The following SUPT3H variants were observed in gnomAD, a reference collection of about 807,000 sequenced individuals.
SUPT3H encodes the protein transcription initiation protein SPT3 homolog.
A neutral mutation model predicts 44.3 loss-of-function variants in SUPT3H; 44 were observed. The ratio of observed to expected loss-of-function variants is 0.99; its 90% confidence interval spans 0.78 to 1.28. The LOEUF (loss-of-function observed/expected upper bound fraction) is 1.28. Ranked by LOEUF, SUPT3H falls within the 50% of genes most tolerant of loss-of-function variation. The pLI, the probability that SUPT3H is intolerant of heterozygous loss-of-function variation, is 0.00. For synonymous variants in SUPT3H, 124 were observed against 125.6 expected (o/e 0.99, Z 0.09); for missense variants, 380 against 387.1 (o/e 0.98, Z 0.15).
intron 2 of SUPT3H, among the ~76,000 whole-genome samples, chr6:45,207,283 A>G (rs1763348953): frequency 2.0e-5 from 3 of 152,212 alleles, no homozygotes. Context: ...GTCAAGGAAG[A>G]TAAGGACTGA....
intron 2 of SUPT3H, among the ~76,000 whole-genome samples, chr6:45,312,694 G>C (rs1410992003): frequency 4.8e-5 from 6 of 125,840 alleles, no homozygotes; most frequent in African/African-American, 5.9e-5. Flanking sequence ...GGGGGGGGGG[G>C]GGACTTCAAT....
chr6:45,144,450 A>T (rs1360557324), intron 2 of SUPT3H, among the ~76,000 whole-genome samples: 1 of 152,162 alleles, frequency 6.6e-6, no homozygotes. Flanking sequence ...TGACAAGTCC[A>T]GCATCCCTTT....
intron 2 of SUPT3H, among the ~76,000 whole-genome samples, chr6:45,231,594 G>A (rs1430635944): frequency 6.6e-6 from 1 of 152,128 alleles, no homozygotes; most frequent in Non-Finnish European, 1.5e-5. Context: ...CATTGCATGT[G>A]ATTGGGGGTC....
chr6:44,823,147 A>G (rs1243777666), downstream of SUPT3H, among the ~76,000 whole-genome samples: 1 of 152,044 alleles, frequency 6.6e-6, no homozygotes, highest in Non-Finnish European at 1.5e-5. Context: ...CCAAACCACA[A>G]ATGTTTATGA....
intron 10 of SUPT3H, among the ~76,000 whole-genome samples, chr6:44,870,887 G>A (rs552036561): frequency 4.1e-4 from 63 of 151,890 alleles, no homozygotes; most frequent in East Asian, 2.4e-3. Flanking sequence ...AAGGGGTGAC[G>A]GATGCACCTG....
intron 10 of SUPT3H, among the ~76,000 whole-genome samples, chr6:44,882,794 A>T (rs1778464110): frequency 6.6e-6 from 1 of 152,228 alleles, no homozygotes; most frequent in Admixed American, 6.5e-5. Context: ...CCAAATGATC[A>T]TCTCAATAGA....
At chr6:45,202,203 T>C (rs1001562127) in intron 2 of SUPT3H, among the ~76,000 whole-genome samples, 3 of 151,906 alleles carry the variant, frequency 2.0e-5, no homozygotes, top group Non-Finnish European at 4.4e-5. Context: ...TACCCAATAA[T>C]TGGAAATTAA....
chr6:44,944,535 G>A (rs1398754054), intron 9 of SUPT3H, among the ~76,000 whole-genome samples: 1 of 151,704 alleles, frequency 6.6e-6, no homozygotes, highest in Non-Finnish European at 1.5e-5. Context: ...GAGGTGGGTG[G>A]ACCGCTTGAG....
chr6:45,030,050 C>A lies in SUPT3H; in HGVS notation c.187-9418G>T, dbSNP rs1786672914. Among the ~76,000 whole-genome samples the A allele has an allele frequency of 2.6e-5, 4 of 151,482 alleles. No homozygotes were observed. The South Asian group carries it at 8.3e-4, about 31-fold the overall frequency. On this transcript the variant is annotated intron_variant, in intron 3 of 10. Transcript: ENST00000371459. ...AGAGTGCTGGGATTACAGGTGTGAG[C>A]TATCACACACAGCCTCTTTAAAATT...
At chr6:45,153,931 G>C (rs894386691) in intron 2 of SUPT3H, among the ~76,000 whole-genome samples, 1 of 151,876 alleles carries the variant, frequency 6.6e-6, no homozygotes, top group Non-Finnish European at 1.5e-5. Context: ...TTAGCCAGGC[G>C]TGCTAGTGCA....
At chr6:44,985,393 C>T (rs1779662133) in intron 6 of SUPT3H, among the ~76,000 whole-genome samples, 1 of 151,616 alleles carries the variant, frequency 6.6e-6, no homozygotes, top group South Asian at 2.1e-4. Context: ...GACTCTTTAT[C>T]CAAAAAGTTA....
intron 2 of SUPT3H, among the ~76,000 whole-genome samples, chr6:45,357,568 C>G (rs1747348201): frequency 6.6e-6 from 1 of 152,098 alleles, no homozygotes; most frequent in Non-Finnish European, 1.5e-5. Flanking sequence ...CTCAAGAGCT[C>G]CCCTGACGTC....
At chr6:44,975,767 TA>T (rs1469868177) in intron 6 of SUPT3H, among the ~76,000 whole-genome samples, 1 of 152,110 alleles carries the variant, frequency 6.6e-6, no homozygotes, top group Non-Finnish European at 1.5e-5. Flanking sequence ...AGAGTCCTAT[TA>T]ATAATATAAA....
intron 3 of SUPT3H, among the ~76,000 whole-genome samples, chr6:45,033,037 A>G (rs565396056): frequency 6.6e-6 from 1 of 152,310 alleles, no homozygotes; most frequent in African/African-American, 2.4e-5. Context: ...AATGTGATCA[A>G]TAACTAAATA....
At chr6:44,908,043 A>C (rs1177504446) in intron 10 of SUPT3H, among the ~76,000 whole-genome samples, 1 of 152,178 alleles carries the variant, frequency 6.6e-6, no homozygotes, top group Non-Finnish European at 1.5e-5. Flanking sequence ...AATCCATTTC[A>C]TTGACCTTCT....
chr6:45,034,038 T>C (rs1458844091), intron 3 of SUPT3H, among the ~76,000 whole-genome samples: 1 of 152,114 alleles, frequency 6.6e-6, no homozygotes, highest in African/African-American at 2.4e-5. Context: ...GGAAACAGCA[T>C]AGTTAAACTG....
chr6:45,006,429 G>T, intron 5 of SUPT3H, among the ~76,000 whole-genome samples: 1 of 150,908 alleles, frequency 6.6e-6, no homozygotes, highest in South Asian at 2.1e-4. Flanking sequence ...TCTTCTCATT[G>T]TTAATTTGAA....
At chr6:45,193,584 CG>C (rs1815503213) in intron 2 of SUPT3H, among the ~76,000 whole-genome samples, 1 of 151,996 alleles carries the variant, frequency 6.6e-6, no homozygotes, top group Non-Finnish European at 1.5e-5. Flanking sequence ...GGCATGGTGA[CG>C]GGCACCTGTA....
At position 44,988,519 on chromosome 6, in the gene SUPT3H, T is replaced by TAAA. The variant is rs66489332; in HGVS notation, c.504+15131_504+15133dup. Among the ~76,000 whole-genome samples the TAAA allele has an allele frequency of 3.3e-3, 333 of 100,150 alleles. 1 individual carries two copies. Among genetic ancestry groups the TAAA allele is most frequent in the South Asian group, 8.0e-3 (24 of 3,004 alleles). The allele number at this position is 100,150 out of a possible 152,430, so 65.7% of individuals were successfully genotyped here. ...ACAGACTATGTATGAAAGGCTTAAA[T>TAAA]AAAAAAAAAAAAAAAAAAAAAAAAT... On this transcript the variant is annotated intron_variant, in intron 6 of 10. Coordinates refer to ENST00000371459, the MANE Select transcript of SUPT3H (RefSeq NM_003599.4).
Sources: allele counts gnomAD v4.1 joint callset (sites outside exome capture counted in the v4.1 genomes callset), GRCh38; gene constraint gnomAD v4.1.1; transcripts MANE v1.5; gene names NCBI Gene and HGNC (gene_info 2026-07-23, HGNC 2026-07-21).